The following ZC3H12B variants were observed in gnomAD, a reference collection of about 807,000 sequenced individuals.
The protein encoded by ZC3H12B is probable ribonuclease ZC3H12B.
In ZC3H12B, 7 loss-of-function variants were observed where a neutral mutation model predicts 43.9. The ratio of observed to expected loss-of-function variants is 0.16; its 90% confidence interval spans 0.09 to 0.30. ZC3H12B has a LOEUF of 0.30. ZC3H12B is among the 10% of genes least tolerant of loss of function. The pLI, the probability that ZC3H12B is intolerant of heterozygous loss-of-function variation, is 1.00. For synonymous variants in ZC3H12B, 222 were observed against 241.7 expected, an observed-to-expected ratio of 0.92 and a Z score of 0.76; for missense variants, 475 against 670.2, an observed-to-expected ratio of 0.71 and a Z score of 3.22.
intron 3 of ZC3H12B, 177 bp downstream of exon 8, chrX:65,499,410 G>A (rs1172717868): frequency 9.8e-6 from 4 of 407,015 alleles, no homozygotes; most frequent in African/African-American, 7.5e-5. Flanking sequence ...GTAGAGGAGC[G>A]AAAGAGACAA....
intron 3 of ZC3H12B, among the ~76,000 whole-genome samples, chrX:65,451,115 T>G (rs1476945577): frequency 9.2e-6 from 1 of 108,652 alleles, no homozygotes; most frequent in Non-Finnish European, 1.9e-5. Flanking sequence ...GCCTGGCTAA[T>G]TTTTTTGTAT....
At chrX:65,479,952 A>C (rs1474693905) in intron 3 of ZC3H12B, among the ~76,000 whole-genome samples, 1 of 112,781 alleles carries the variant, frequency 8.9e-6, no homozygotes, top group South Asian at 3.6e-4. Flanking sequence ...AATGAAGAGG[A>C]TGAAGTAAAG....
chrX:65,049,987 T>C, the ZC3H12B span, among the ~76,000 whole-genome samples: 3 of 111,553 alleles, frequency 2.7e-5, no homozygotes, highest in Admixed American at 9.5e-5. Context: ...ATGTTATGTT[T>C]TCATTTTTGT....
chrX:65,438,205 G>T (rs1019082503), intron 3 of ZC3H12B, among the ~76,000 whole-genome samples: 1 of 110,548 alleles, frequency 9.0e-6, no homozygotes, highest in African/African-American at 3.3e-5. Flanking sequence ...GGCTATTCTG[G>T]GTCCTTTGTG....
At chrX:65,198,228 T>C in the ZC3H12B span, among the ~76,000 whole-genome samples, 1 of 112,307 alleles carries the variant, frequency 8.9e-6, no homozygotes, top group African/African-American at 3.2e-5. Context: ...TATTATTTTT[T>C]ATTGGATTAT....
the ZC3H12B span, among the ~76,000 whole-genome samples, chrX:65,179,734 G>A: frequency 1.4e-3 from 159 of 111,674 alleles, 1 homozygote; most frequent in African/African-American, 5.0e-3. Flanking sequence ...AACTCTATGC[G>A]AATTGCTACA....
At chrX:65,235,457 C>G in the ZC3H12B span, among the ~76,000 whole-genome samples, 3 of 111,639 alleles carry the variant, frequency 2.7e-5, no homozygotes, top group Non-Finnish European at 3.8e-5. Flanking sequence ...TTACAAGATT[C>G]CTTTGGTGCA....
chrX:65,389,145 C>G (rs776783823), intron 2 of ZC3H12B, among the ~76,000 whole-genome samples: 7 of 111,990 alleles, frequency 6.3e-5, no homozygotes, highest in African/African-American at 2.3e-4. Context: ...ACTGGAGAAC[C>G]ACTATTCTCT....
the ZC3H12B span, among the ~76,000 whole-genome samples, chrX:65,306,526 C>T: frequency 4.5e-5 from 5 of 110,816 alleles, no homozygotes; most frequent in African/African-American, 1.6e-4. Context: ...GCACACGCTG[C>T]CACGCCCAGC....
the ZC3H12B span, among the ~76,000 whole-genome samples, chrX:65,122,871 C>T: frequency 9.0e-6 from 1 of 111,358 alleles, no homozygotes; most frequent in Non-Finnish European, 1.9e-5. Context: ...ACAGGAGCAC[C>T]CAGATTCATA....
chrX:65,067,124 C>T, the ZC3H12B span, among the ~76,000 whole-genome samples: 5 of 110,240 alleles, frequency 4.5e-5, no homozygotes, highest in Non-Finnish European at 7.6e-5. Context: ...TCCCTGGCTT[C>T]AGCCCCCTTT....
chrX:65,281,326 C>T, the ZC3H12B span, among the ~76,000 whole-genome samples: 6 of 108,753 alleles, frequency 5.5e-5, no homozygotes, highest in African/African-American at 2.0e-4. Context: ...CCTCCGCCTC[C>T]CAGGTTCAAG....
the ZC3H12B span, among the ~76,000 whole-genome samples, chrX:65,251,317 A>G: frequency 1.8e-5 from 2 of 111,797 alleles, no homozygotes; most frequent in Admixed American, 9.5e-5. Flanking sequence ...TGGTACCAGT[A>G]CCATGCTGTT....
chrX:65,334,883 A>T, the ZC3H12B span, among the ~76,000 whole-genome samples: 1 of 111,533 alleles, frequency 9.0e-6, no homozygotes, highest in Non-Finnish European at 1.9e-5. Context: ...TTACAAAGCA[A>T]CCCAATCAGC....
At chrX:65,403,382 A>G (rs184425342) in intron 3 of ZC3H12B, among the ~76,000 whole-genome samples, 2 of 111,782 alleles carry the variant, frequency 1.8e-5, no homozygotes, top group Admixed American at 1.9e-4. Flanking sequence ...AAAATGAGAT[A>G]GAGGAAGAGA....
intron 3 of ZC3H12B, among the ~76,000 whole-genome samples, chrX:65,451,011 G>T (rs1041931715): frequency 7.5e-5 from 8 of 106,350 alleles, no homozygotes; most frequent in Non-Finnish European, 1.2e-4. Context: ...GCAGTGGTGC[G>T]ATCTCACCTC....
the ZC3H12B span, among the ~76,000 whole-genome samples, chrX:65,219,852 A>AC: frequency 9.3e-6 from 1 of 107,985 alleles, no homozygotes; most frequent in African/African-American, 3.4e-5. Context: ...ACACACACAC[A>AC]AAACACCTGG....
chrX:65,163,387 A>G, the ZC3H12B span, among the ~76,000 whole-genome samples: 1 of 111,617 alleles, frequency 9.0e-6, no homozygotes, highest in Non-Finnish European at 1.9e-5. Context: ...AGCCTACAGA[A>G]GCAGGCAGGC....
chrX:65,461,611 C>T (rs923619564), intron 3 of ZC3H12B, among the ~76,000 whole-genome samples: 6 of 111,489 alleles, frequency 5.4e-5, no homozygotes, highest in African/African-American at 2.0e-4. Flanking sequence ...GACAAAAAAC[C>T]AAACACCAAA....
Sources: gnomAD v4.1 joint callset for allele counts (sites outside exome capture counted in the v4.1 genomes callset) on GRCh38, gnomAD v4.1.1 for gene constraint, MANE v1.5 for transcripts, NCBI Gene and HGNC (gene_info 2026-07-23, HGNC 2026-07-21) for gene names.